LHFPL3: variants seen among roughly 807,000 people sequenced by gnomAD.
The protein encoded by LHFPL3 is LHFPL tetraspan subfamily member 3.
A neutral mutation model predicts 19.3 loss-of-function variants in LHFPL3; 5 were observed. The ratio of observed to expected loss-of-function variants is 0.26; its 90% CI spans 0.14 to 0.54. The LOEUF (loss-of-function observed/expected upper bound fraction) is 0.54, where lower values mean the gene tolerates loss of function less well. LHFPL3 is among the 20% of genes least tolerant of loss of function. The probability of loss-of-function intolerance (pLI) is 0.94; values close to 1 mark genes in which losing one functional copy is unlikely to be tolerated. For missense variants in LHFPL3, 249 were observed against 307.4 expected, an observed-to-expected ratio of 0.81 and a Z score of 1.42; for synonymous variants, 133 against 126.2, an observed-to-expected ratio of 1.05 and a Z score of -0.36.
chr7:104,573,839 C>T (rs1790276136), intron 1 of LHFPL3, among the ~76,000 whole-genome samples: 1 of 152,200 alleles, frequency 6.6e-6, no homozygotes, highest in African/African-American at 2.4e-5. Flanking sequence ...TGCATGGTCC[C>T]TTTCCCATTA....
intron 1 of LHFPL3, among the ~76,000 whole-genome samples, chr7:104,352,020 G>A (rs978630057): frequency 3.9e-5 from 6 of 151,922 alleles, no homozygotes; most frequent in African/African-American, 9.7e-5. Context: ...GCAACATAAC[G>A]AGACCCATCT....
intron 2 of LHFPL3, among the ~76,000 whole-genome samples, chr7:104,851,938 T>C (rs1295000182): frequency 6.6e-6 from 1 of 152,092 alleles, no homozygotes; most frequent in East Asian, 1.9e-4. Flanking sequence ...AGCTGGGTCC[T>C]TCCATCATTC....
intron 2 of LHFPL3, among the ~76,000 whole-genome samples, chr7:104,852,837 G>GCCT (rs545476583): frequency 9.8e-4 from 149 of 151,860 alleles, no homozygotes; most frequent in African/African-American, 3.5e-3. Context: ...GCTTCCTGCT[G>GCCT]CCTCCTCCTC....
At chr7:104,385,325 GC>G (rs1790916629) in intron 1 of LHFPL3, among the ~76,000 whole-genome samples, 1 of 152,148 alleles carries the variant, frequency 6.6e-6, no homozygotes, top group African/African-American at 2.4e-5. Flanking sequence ...ACTAGTCTTG[GC>G]AATACAATTA....
intron 2 of LHFPL3, among the ~76,000 whole-genome samples, chr7:104,791,202 G>A (rs1790016327): frequency 6.6e-6 from 1 of 152,156 alleles, no homozygotes; most frequent in Non-Finnish European, 1.5e-5. Context: ...GTTGTCACTG[G>A]CTCAGACTTC....
At position 104,791,399 on chromosome 7, in the gene LHFPL3, T is replaced by C. The variant is rs145948637; in HGVS notation, c.682+54488T>C. ...AGAAAGGATTCCTGGCAGCCTTACATTCTTGGGCTGAGATTATTGGTCCCC... is the reference window on the plus strand; with the variant it reads ...AGAAAGGATTCCTGGCAGCCTTACACTCTTGGGCTGAGATTATTGGTCCCC... On this transcript the variant is annotated intron_variant, in intron 2 of 2. Transcript: ENST00000424859. Among the ~76,000 whole-genome samples, 365 of 152,336 alleles carry C rather than the reference T, an allele frequency of 2.4e-3. 1 individual carries two copies. The highest frequency in any genetic ancestry group is 8.4e-3 in the African/African-American group (350 of 41,576).
chr7:104,631,255 G>T (rs1056531933), intron 1 of LHFPL3, among the ~76,000 whole-genome samples: 2 of 151,226 alleles, frequency 1.3e-5, no homozygotes, highest in African/African-American at 2.4e-5. Context: ...GGAATATCTT[G>T]CCCTCTCATT....
intron 1 of LHFPL3, among the ~76,000 whole-genome samples, chr7:104,522,003 G>C (rs1369440002): frequency 2.0e-5 from 3 of 151,964 alleles, no homozygotes; most frequent in African/African-American, 7.3e-5. Flanking sequence ...TCTAGAACTG[G>C]AAATACCATT....
intron 1 of LHFPL3, among the ~76,000 whole-genome samples, chr7:104,729,839 G>A (rs184780311): frequency 6.6e-6 from 1 of 152,034 alleles, no homozygotes; most frequent in Non-Finnish European, 1.5e-5. Context: ...TTGGTGTGCT[G>A]CACCCATTAA....
At chr7:104,377,654 G>A (rs912422862) in intron 1 of LHFPL3, among the ~76,000 whole-genome samples, 1 of 152,170 alleles carries the variant, frequency 6.6e-6, no homozygotes, top group Non-Finnish European at 1.5e-5. Flanking sequence ...CTCAATTAAT[G>A]TAAGTTGACT....
At chr7:104,739,355 T>C (rs1366425884) in intron 2 of LHFPL3, among the ~76,000 whole-genome samples, 2 of 152,234 alleles carry the variant, frequency 1.3e-5, no homozygotes, top group African/African-American at 2.4e-5. Context: ...GTGTATGTTG[T>C]ATGTGTGAAT....
intron 2 of LHFPL3, among the ~76,000 whole-genome samples, chr7:104,808,656 T>C (rs2116495452): frequency 6.6e-6 from 1 of 152,340 alleles, no homozygotes; most frequent in Middle Eastern, 3.4e-3. Flanking sequence ...GTCTTTGGTC[T>C]TTCCGTTCTA....
intron 2 of LHFPL3, among the ~76,000 whole-genome samples, chr7:104,874,614 G>T (rs1471856042): frequency 6.6e-6 from 1 of 151,916 alleles, no homozygotes. Context: ...TCATCATGTT[G>T]GCCAGGCTGG....
chr7:104,333,554 TG>T (rs1320715570), intron 1 of LHFPL3, among the ~76,000 whole-genome samples: 2 of 152,194 alleles, frequency 1.3e-5, no homozygotes, highest in Non-Finnish European at 2.9e-5. Context: ...AGGGTTGAAT[TG>T]TTTAGTCTGT....
chr7:104,446,633 T>C (rs1308734942), intron 1 of LHFPL3, among the ~76,000 whole-genome samples: 1 of 152,202 alleles, frequency 6.6e-6, no homozygotes, highest in African/African-American at 2.4e-5. Context: ...TGGAGTGCAG[T>C]GGCATGACCT....
intron 1 of LHFPL3, among the ~76,000 whole-genome samples, chr7:104,368,063 G>C (rs1790529042): frequency 6.6e-6 from 1 of 152,154 alleles, no homozygotes; most frequent in Non-Finnish European, 1.5e-5. Context: ...TTCTTGCTAG[G>C]ATGTTTATCC....
intron 1 of LHFPL3, among the ~76,000 whole-genome samples, chr7:104,433,144 CTTTTA>C (rs961915726): frequency 5.9e-5 from 9 of 152,144 alleles, no homozygotes; most frequent in Non-Finnish European, 8.8e-5. Flanking sequence ...AAATGTTATT[CTTTTA>C]TTTTATTATA....
intron 1 of LHFPL3, among the ~76,000 whole-genome samples, chr7:104,512,539 C>A (rs1428154114): frequency 1.3e-5 from 2 of 151,930 alleles, no homozygotes; most frequent in East Asian, 3.9e-4. Context: ...GAGTTCAGAG[C>A]AGCCTGGCCA....
chr7:104,591,810 A>G (rs1231258411), intron 1 of LHFPL3, among the ~76,000 whole-genome samples: 5 of 152,108 alleles, frequency 3.3e-5, no homozygotes, highest in African/African-American at 4.8e-5. Context: ...GGCTTTGCTC[A>G]TTTCTTTTTA....
Sources: gnomAD v4.1 joint callset for allele counts (sites outside exome capture counted in the v4.1 genomes callset) on GRCh38, gnomAD v4.1.1 for gene constraint, MANE v1.5 for transcripts, NCBI Gene and HGNC (gene_info 2026-07-23, HGNC 2026-07-21) for gene names.